Variants in GALNT7 observed in about 807,000 individuals in gnomAD.
The protein encoded by GALNT7 is polypeptide N-acetylgalactosaminyltransferase 7.
In GALNT7, 60 loss-of-function variants were observed where a neutral mutation model predicts 82.1. The ratio of observed to expected loss-of-function variants is 0.73; its 90% CI spans 0.59 to 0.91. The LOEUF (loss-of-function observed/expected upper bound fraction) is 0.91. Ranked by LOEUF, GALNT7 falls within the 40% of genes least tolerant of loss-of-function variation. GALNT7 has a pLI of 0.00. For synonymous variants in GALNT7, 243 were observed against 275.1 expected, an observed-to-expected ratio of 0.88 and a Z score of 1.15; for missense variants, 660 against 804.2, an observed-to-expected ratio of 0.82 and a Z score of 2.17.
At chr4:173,289,979 A>G (rs1736475703) in intron 2 of GALNT7, among the ~76,000 whole-genome samples, 1 of 152,204 alleles carries the variant, frequency 6.6e-6, no homozygotes, top group Non-Finnish European at 1.5e-5. Context: ...ACTGAGAACA[A>G]AATATAAGAG....
chr4:173,182,030 C>T (rs1732264378), intron 1 of GALNT7, among the ~76,000 whole-genome samples: 1 of 152,170 alleles, frequency 6.6e-6, no homozygotes, highest in Non-Finnish European at 1.5e-5. Context: ...CCTTGACCAC[C>T]GCTCTGTTAA....
At chr4:173,257,357 A>T (rs1735080746) in intron 2 of GALNT7, among the ~76,000 whole-genome samples, 1 of 152,148 alleles carries the variant, frequency 6.6e-6, no homozygotes, top group African/African-American at 2.4e-5. Flanking sequence ...TTGTTATATA[A>T]CTTCTTGAAT....
chr4:173,194,289 C>A (rs1379675795), intron 1 of GALNT7, among the ~76,000 whole-genome samples: 1 of 152,170 alleles, frequency 6.6e-6, no homozygotes, highest in Middle Eastern at 3.4e-3. Flanking sequence ...TTTGTACATG[C>A]CTTAGGTTGT....
At chr4:173,276,202 G>A (rs1735905087) in intron 2 of GALNT7, among the ~76,000 whole-genome samples, 1 of 152,100 alleles carries the variant, frequency 6.6e-6, no homozygotes, top group African/African-American at 2.4e-5. Context: ...AGTAGTCCCA[G>A]GAAAATTTTT....
chr4:173,178,052 T>TGTGTGTGTGTGTGC (rs563102408), intron 1 of GALNT7, among the ~76,000 whole-genome samples: 2 of 129,510 alleles, frequency 1.5e-5, no homozygotes, highest in African/African-American at 6.1e-5. Context: ...TGTGTGTGTG[T>TGTGTGTGTGTGTGC]GCGCGCACGC....
intron 1 of GALNT7, among the ~76,000 whole-genome samples, chr4:173,202,788 T>A (rs1732980456): frequency 1.3e-5 from 2 of 152,220 alleles, no homozygotes; most frequent in South Asian, 4.1e-4. Context: ...TGTCCCAAAT[T>A]TATATTGTCT....
intron 1 of GALNT7, among the ~76,000 whole-genome samples, chr4:173,234,639 C>T (rs1734153611): frequency 6.6e-6 from 1 of 152,146 alleles, no homozygotes; most frequent in Non-Finnish European, 1.5e-5. Flanking sequence ...GAATGTCTGT[C>T]CCCTCAAACC....
chr4:173,182,698 C>G (rs975133406), intron 1 of GALNT7, among the ~76,000 whole-genome samples: 1 of 101,138 alleles, frequency 9.9e-6, no homozygotes, highest in African/African-American at 5.0e-5. Context: ...ACACACACAG[C>G]GTGTTGCCCC....
chr4:173,273,139 C>G (rs1341504982), intron 2 of GALNT7, among the ~76,000 whole-genome samples: 1 of 152,162 alleles, frequency 6.6e-6, no homozygotes, highest in African/African-American at 2.4e-5. Flanking sequence ...AAATGTAAGT[C>G]CTCCATATGG....
Position 173,323,793 on chromosome 4 carries a change from T to C in GALNT7, c.*2076T>C, listed in dbSNP as rs935561230. The C allele has an allele frequency of 6.6e-6, 1 of 152,626 alleles. No individual in the cohort carries two copies. The highest frequency in any genetic ancestry group is 1.5e-5 in the Non-Finnish European group (1 of 68,006). The allele number at this position is 152,626 out of a possible 1,614,324, so 9.5% of individuals were successfully genotyped here. On this transcript the variant is annotated 3_prime_UTR_variant, in exon 12 of 12. Coordinates refer to ENST00000265000, the MANE Select transcript of GALNT7 (RefSeq NM_017423.3). ...TGTAAGTTGGTAATATCACTATGCATTTCTACACATTTTATAAATTTGATT... is the reference window on the plus strand; with the variant it reads ...TGTAAGTTGGTAATATCACTATGCACTTCTACACATTTTATAAATTTGATT...
chr4:173,196,336 G>A (rs1020068549), intron 1 of GALNT7, among the ~76,000 whole-genome samples: 1 of 151,948 alleles, frequency 6.6e-6, no homozygotes, highest in African/African-American at 2.4e-5. Flanking sequence ...TGTTGGCCAG[G>A]CTGGTCTCAA....
At chr4:173,210,690 G>A (rs1242224366) in intron 1 of GALNT7, among the ~76,000 whole-genome samples, 4 of 152,156 alleles carry the variant, frequency 2.6e-5, no homozygotes, top group South Asian at 4.2e-4. Context: ...CCTCGGCCTC[G>A]CAGCGTACTA....
At chr4:173,174,972 AAG>A (rs1482824282) in intron 1 of GALNT7, among the ~76,000 whole-genome samples, 2 of 152,240 alleles carry the variant, frequency 1.3e-5, no homozygotes, top group Non-Finnish European at 2.9e-5. Context: ...AAATTGGAGA[AAG>A]AGGAAGAGAG....
At chr4:173,311,427 T>TA (rs1737378387) in intron 8 of GALNT7, among the ~76,000 whole-genome samples, 1 of 152,236 alleles carries the variant, frequency 6.6e-6, no homozygotes, top group Non-Finnish European at 1.5e-5. Flanking sequence ...AAAAGAGGTT[T>TA]AATTGGCTCA....
chr4:173,208,582 T>A (rs991143086), intron 1 of GALNT7, among the ~76,000 whole-genome samples: 36 of 151,120 alleles, frequency 2.4e-4, no homozygotes, highest in African/African-American at 8.2e-4. Context: ...GAGTTTCTTC[T>A]TCCTCCATAA....
At chr4:173,180,647 C>T (rs776710483) in intron 1 of GALNT7, among the ~76,000 whole-genome samples, 13 of 152,116 alleles carry the variant, frequency 8.5e-5, no homozygotes, top group Admixed American at 1.3e-4. Context: ...TTAATGAAAG[C>T]CTGTGTACCT....
chr4:173,193,633 T>C (rs1732691091), intron 1 of GALNT7, among the ~76,000 whole-genome samples: 3 of 152,306 alleles, frequency 2.0e-5, no homozygotes, highest in African/African-American at 7.2e-5. Flanking sequence ...CTGTGATATA[T>C]AGTATGAAAT....
chr4:173,231,345 A>C (rs944877630), intron 1 of GALNT7, among the ~76,000 whole-genome samples: 1 of 152,168 alleles, frequency 6.6e-6, no homozygotes, highest in African/African-American at 2.4e-5. Context: ...TATTAATCGC[A>C]TGTTTTAAAG....
intron 2 of GALNT7, among the ~76,000 whole-genome samples, chr4:173,257,871 A>C (rs1678734451): frequency 6.6e-6 from 1 of 152,214 alleles, no homozygotes. Context: ...CACAAGTGTC[A>C]CTTTAAAGGA....
Sources: allele counts gnomAD v4.1 joint callset (sites outside exome capture counted in the v4.1 genomes callset), GRCh38; gene constraint gnomAD v4.1.1; transcripts MANE v1.5; gene names NCBI Gene and HGNC (gene_info 2026-07-23, HGNC 2026-07-21).